Variants in LRRC37A2 observed in about 807,000 individuals in gnomAD.
The protein encoded by LRRC37A2 is leucine rich repeat containing 37 member A2.
Under a neutral mutation model 68.8 loss-of-function variants are expected in LRRC37A2, and 9 were observed. The observed-to-expected ratio is 0.13, with a 90% CI of 0.08 to 0.23. The LOEUF (loss-of-function observed/expected upper bound fraction) is 0.23. Ranked by LOEUF, LRRC37A2 falls within the 10% of genes least tolerant of loss-of-function variation. The pLI, the probability that LRRC37A2 is intolerant of heterozygous loss-of-function variation, is 1.00. For synonymous variants in LRRC37A2, 63 were observed against 367.6 expected (o/e 0.17, Z 9.48); for missense variants, 168 against 950.4 (o/e 0.18, Z 10.82).
the LRRC37A2 span, among the ~76,000 whole-genome samples, chr17:46,985,519 C>CAA: frequency 0.093 from 10,378 of 111,200 alleles, 590 homozygotes; most frequent in Non-Finnish European, 0.14. Context: ...GATTCCATCT[C>CAA]AAAAAAAAAA....
the LRRC37A2 span, among the ~76,000 whole-genome samples, chr17:47,028,971 G>A: frequency 6.6e-6 from 1 of 151,762 alleles, no homozygotes; most frequent in Non-Finnish European, 1.5e-5. Context: ...TGGAGGTCAG[G>A]AGTTTGAGAC....
chr17:47,044,457 G>A, the LRRC37A2 span, among the ~76,000 whole-genome samples: 182 of 150,538 alleles, frequency 1.2e-3, 2 homozygotes, highest in African/African-American at 3.9e-3. Flanking sequence ...TGGTTATGTC[G>A]GAGAATGCCT....
chr17:47,000,096 TAAA>T, the LRRC37A2 span, among the ~76,000 whole-genome samples: 1 of 114,822 alleles, frequency 8.7e-6, no homozygotes, highest in African/African-American at 3.0e-5. Context: ...TAAAATAAAA[TAAA>T]ATAAAATAAA....
the LRRC37A2 span, among the ~76,000 whole-genome samples, chr17:46,771,947 C>G: frequency 6.8e-6 from 1 of 147,982 alleles, no homozygotes; most frequent in Non-Finnish European, 1.5e-5. Context: ...GCCGCCGCGC[C>G]TCGCCCCTTC....
At chr17:46,602,554 A>G in the LRRC37A2 span, 1 of 51,408 alleles carries the variant, frequency 1.9e-5, no homozygotes, top group African/African-American at 8.8e-5. Context: ...TGCAAGATTC[A>G]TTTCTTTTTA....
At chr17:46,997,878 G>A in the LRRC37A2 span, among the ~76,000 whole-genome samples, 1 of 151,890 alleles carries the variant, frequency 6.6e-6, no homozygotes, top group South Asian at 2.1e-4. Context: ...GCTGAGGCAG[G>A]AGAATTGTTT....
the LRRC37A2 span, chr17:46,770,002 C>T: frequency 1.3e-6 from 2 of 1,597,788 alleles, no homozygotes; most frequent in Non-Finnish European, 1.7e-6. Context: ...CGGCGAAGGC[C>T]ACGCCGGCCG....
intron 11 of LRRC37A2, 173 bp downstream of exon 10, chr17:46,550,692 A>G (rs1426691385): frequency 2.7e-5 from 18 of 676,730 alleles, no homozygotes; most frequent in Non-Finnish European, 3.3e-5. Context: ...TGTATATTTC[A>G]GGATTTTTAA....
chr17:46,768,086 C>G, the LRRC37A2 span, among the ~76,000 whole-genome samples: 1 of 152,224 alleles, frequency 6.6e-6, no homozygotes, highest in African/African-American at 2.4e-5. The surrounding 1 kb of genome is among the most constrained non-coding windows in gnomAD (Gnocchi z 5.0). Flanking sequence ...CCGCACCCGG[C>G]CAACACTGGG....
At chr17:46,793,537 C>T in the LRRC37A2 span, among the ~76,000 whole-genome samples, 1 of 152,128 alleles carries the variant, frequency 6.6e-6, no homozygotes, top group South Asian at 2.1e-4. Flanking sequence ...GCTGGACCCA[C>T]GCCCAAGGCA....
At chr17:46,799,716 G>A in the LRRC37A2 span, among the ~76,000 whole-genome samples, 1 of 152,130 alleles carries the variant, frequency 6.6e-6, no homozygotes, top group South Asian at 2.1e-4. Context: ...CCAAAATGTA[G>A]GGATTACAGG....
At chr17:46,540,514 A>AG (rs1283724454) in intron 7 of LRRC37A2, among the ~76,000 whole-genome samples, 4 of 148,504 alleles carry the variant, frequency 2.7e-5, no homozygotes, top group Admixed American at 6.7e-5. Flanking sequence ...AAGAAAGCAA[A>AG]GGGGAAAAGG....
At chr17:46,779,103 A>ACACACACACACCCCC in the LRRC37A2 span, among the ~76,000 whole-genome samples, 16 of 133,660 alleles carry the variant, frequency 1.2e-4, no homozygotes, top group East Asian at 7.7e-4. Flanking sequence ...ACACACACAC[A>ACACACACACACCCCC]CCCCAGCCCA....
chr17:46,984,370 G>A, the LRRC37A2 span, among the ~76,000 whole-genome samples: 1 of 152,124 alleles, frequency 6.6e-6, no homozygotes, highest in African/African-American at 2.4e-5. Flanking sequence ...ACTCCCCCGA[G>A]CCGGGCTTAG....
chr17:46,860,828 G>C, the LRRC37A2 span, among the ~76,000 whole-genome samples: 1 of 152,132 alleles, frequency 6.6e-6, no homozygotes, highest in African/African-American at 2.4e-5. Context: ...GGTAGGTGCT[G>C]ATATAATTCT....
chr17:46,871,473 A>G, the LRRC37A2 span, among the ~76,000 whole-genome samples: 2 of 152,088 alleles, frequency 1.3e-5, no homozygotes, highest in African/African-American at 4.8e-5. Context: ...TTGTTTCCTC[A>G]TCTGGACAAA....
the LRRC37A2 span, chr17:47,019,328 C>T: frequency 6.2e-7 from 1 of 1,609,500 alleles, no homozygotes; most frequent in East Asian, 2.2e-5. Flanking sequence ...AGCATTCACA[C>T]CTGACTCAAG....
the LRRC37A2 span, among the ~76,000 whole-genome samples, chr17:46,610,027 T>TTCTTTCTTTC: frequency 2.4e-3 from 267 of 109,466 alleles, 5 homozygotes; most frequent in African/African-American, 8.3e-3. Context: ...CTTTCTTTCT[T>TTCTTTCTTTC]TCTCTCTCTC....
the LRRC37A2 span, among the ~76,000 whole-genome samples, chr17:46,887,587 A>C: frequency 2.0e-5 from 3 of 152,178 alleles, no homozygotes; most frequent in Non-Finnish European, 2.9e-5. Flanking sequence ...CAACATGGTG[A>C]AACCCCATCT....
Sources: gnomAD v4.1 joint callset for allele counts (sites outside exome capture counted in the v4.1 genomes callset) on GRCh38, gnomAD v4.1.1 for gene constraint, Gnocchi (gnomAD v3.1) non-coding constraint, MANE v1.5 for transcripts, NCBI Gene and HGNC (gene_info 2026-07-23, HGNC 2026-07-21) for gene names.